ANGPT4: variants seen among roughly 807,000 people sequenced by gnomAD.
ANGPT4 encodes the protein angiopoietin 4.
In ANGPT4, 50 loss-of-function variants were observed where a neutral mutation model predicts 53.0. The ratio of observed to expected loss-of-function variants is 0.94; its 90% CI spans 0.75 to 1.20. The LOEUF is 1.20. Ranked by LOEUF, ANGPT4 falls within the 50% of genes most tolerant of loss-of-function variation. The pLI is 0.00. For synonymous variants in ANGPT4, 251 were observed against 259.7 expected (o/e 0.97, Z 0.32); for missense variants, 648 against 637.1 (o/e 1.02, Z -0.18).
intron 1 of ANGPT4, among the ~76,000 whole-genome samples, chr20:906,264 G>A (rs1982476246): frequency 6.6e-6 from 1 of 152,162 alleles, no homozygotes; most frequent in African/African-American, 2.4e-5. Context: ...GCCCTTGGGA[G>A]GAAGCCATCT....
At chr20:892,868 G>A (rs1230504224) in intron 1 of ANGPT4, among the ~76,000 whole-genome samples, 1 of 152,150 alleles carries the variant, frequency 6.6e-6, no homozygotes, top group Non-Finnish European at 1.5e-5. Flanking sequence ...GTCATAGATA[G>A]CCCTCCTTGA....
rs543768285 is a variant in ANGPT4, at chr20:884,448, G to A, written c.835+630C>T. ...GGGCCTGCCACACAGTAAGTGCTTA[G>A]TAAATGTTTGTTGACTGAGTGATTG... On this transcript the variant is annotated intron_variant, in intron 4 of 8. Transcript: ENST00000381922. 5.3e-5 allele frequency among the ~76,000 whole-genome samples: 8 copies of A among 152,352 alleles called. No individual in the cohort carries two copies. In the East Asian group the frequency reaches 1.5e-3, roughly 29 times the overall value.
rs908177302 is a variant in ANGPT4 at position 885,333 on chromosome 20, G to A, written c.588-8C>T. 6 of 1,573,382 alleles carry A rather than the reference G, an allele frequency of 3.8e-6. No homozygotes were observed. Among genetic ancestry groups the A allele is most frequent in the South Asian group, 1.1e-5 (1 of 87,086 alleles). On this transcript the variant is annotated splice_region_variant and splice_polypyrimidine_tract_variant and intron_variant, in intron 3 of 8. Coordinates refer to ENST00000381922, the MANE Select transcript of ANGPT4 (RefSeq NM_015985.4). ...AACCGCTTCTCGAGCGCGCTGCGGG[G>A]TAGGGGGCGCACAGAGGTGAGCCTG...
At chr20:895,631 C>T (rs1982017980) in intron 1 of ANGPT4, among the ~76,000 whole-genome samples, 1 of 152,168 alleles carries the variant, frequency 6.6e-6, no homozygotes, top group Non-Finnish European at 1.5e-5. Context: ...CCGAGGAGAT[C>T]TGCTCAAGCC....
intron 1 of ANGPT4, among the ~76,000 whole-genome samples, chr20:910,974 G>A: frequency 6.6e-6 from 1 of 152,114 alleles, no homozygotes; most frequent in Middle Eastern, 3.2e-3. Flanking sequence ...AAACTGCTTA[G>A]AAAGGAGCCA....
chr20:881,100 C>T, intron 5 of ANGPT4, 71 bp downstream of exon 5: 16 of 1,231,578 alleles, frequency 1.3e-5, no homozygotes, highest in East Asian at 5.2e-5. Context: ...CGATGGGGTG[C>T]GGGGTGTCTG....
At chr20:885,711 A>G (rs1359087870) in intron 3 of ANGPT4, among the ~76,000 whole-genome samples, 1 of 152,130 alleles carries the variant, frequency 6.6e-6, no homozygotes, top group Non-Finnish European at 1.5e-5. Context: ...CAAAAAAGAT[A>G]TAGCCTAGAT....
intron 7 of ANGPT4, among the ~76,000 whole-genome samples, chr20:875,748 T>C (rs1226406035): frequency 6.6e-6 from 1 of 152,104 alleles, no homozygotes; most frequent in Non-Finnish European, 1.5e-5. Context: ...TGGGCCTGGT[T>C]GGAGAGAATG....
intron 1 of ANGPT4, among the ~76,000 whole-genome samples, chr20:891,688 A>T (rs1981853452): frequency 6.6e-6 from 1 of 152,212 alleles, no homozygotes; most frequent in African/African-American, 2.4e-5. Flanking sequence ...GGCTCGGGCC[A>T]GGCTCCAGCC....
At chr20:893,822 C>T (rs2122819046) in intron 1 of ANGPT4, among the ~76,000 whole-genome samples, 1 of 152,258 alleles carries the variant, frequency 6.6e-6, no homozygotes, top group Admixed American at 6.5e-5. Flanking sequence ...TTCTTAGCGG[C>T]CACACTCAAC....
rs569213483 is a variant in ANGPT4, at chr20:908,418, G to T, written c.309+7488C>A. Among the ~76,000 whole-genome samples, 7 of 152,062 alleles carry T rather than the reference G, an allele frequency of 4.6e-5. No individual in the cohort carries two copies. Among genetic ancestry groups the T allele is most frequent in the Non-Finnish European group, 2.9e-5 (2 of 68,004 alleles). On this transcript the variant is annotated intron_variant, in intron 1 of 8. Transcript: ENST00000381922. This position sits in a 1 kb window ranked among gnomAD's most constrained non-coding sequence, Gnocchi z 4.9. ...TGCTTTTGCTTCCTTTCCCTGTCTC[G>T]CCACTGCCAACCCAGCCTTTAGATC...
intron 1 of ANGPT4, among the ~76,000 whole-genome samples, chr20:902,367 C>T (rs1184900415): frequency 6.6e-6 from 1 of 152,138 alleles, no homozygotes; most frequent in Non-Finnish European, 1.5e-5. Flanking sequence ...GCTTTTCCCA[C>T]TAGTCTCTAA....
Position 872,817 on chromosome 20 carries a change from T to G in ANGPT4, c.*143A>C, listed in dbSNP as rs1254687957. 14 of 1,060,566 alleles carry G rather than the reference T, an allele frequency of 1.3e-5. No individual in the cohort carries two copies. Among genetic ancestry groups the G allele is most frequent in the Non-Finnish European group, 1.8e-5 (13 of 727,430 alleles). 65.7% of individuals were successfully genotyped at this position (1,060,566 alleles called of 1,614,324 possible). On this transcript the variant is annotated 3_prime_UTR_variant, in exon 9 of 9. Transcript: ENST00000381922. ...TGGGGGGCAGATGACCCTTCTGGAC[T>G]TCTGGGTCAAGGAGGGCTGGCTCAG...
chr20:894,701 T>C (rs576440163), intron 1 of ANGPT4, among the ~76,000 whole-genome samples: 56 of 152,296 alleles, frequency 3.7e-4, no homozygotes, highest in African/African-American at 1.3e-3. Flanking sequence ...AAACAGCATA[T>C]TCATGCCTGA....
intron 8 of ANGPT4, among the ~76,000 whole-genome samples, chr20:873,697 C>G (rs76876028): frequency 6.6e-6 from 1 of 152,098 alleles, no homozygotes; most frequent in Non-Finnish European, 1.5e-5. Flanking sequence ...CTTTCTCCCC[C>G]ATCTCCCTCT....
In ANGPT4 at chr20:911,092, G is replaced by A. The variant is rs1982676457; in HGVS notation, c.309+4814C>T. ...AATGCCAAGAATTTGTGGGCAGCCT[G>A]GGAAGGCTGGGGCAACTGGAACCCT... On this transcript the variant is annotated intron_variant, in intron 1 of 8. Coordinates refer to ENST00000381922, the MANE Select transcript of ANGPT4 (RefSeq NM_015985.4). The surrounding 1 kb of genome is among the most constrained non-coding windows in gnomAD (Gnocchi z 4.9). Among the ~76,000 whole-genome samples, 1 of 152,158 alleles carries A rather than the reference G, an allele frequency of 6.6e-6. No homozygotes were observed. Among genetic ancestry groups the A allele is most frequent in the African/African-American group, 2.4e-5 (1 of 41,450 alleles).
At chr20:913,936 G>A (rs756405397) in intron 1 of ANGPT4, among the ~76,000 whole-genome samples, 1 of 152,202 alleles carries the variant, frequency 6.6e-6, no homozygotes, top group Non-Finnish European at 1.5e-5. Flanking sequence ...GTCTCAGGCA[G>A]CTTTGGAGTT....
At chr20:879,444 G>T (rs1010700074) in intron 6 of ANGPT4, among the ~76,000 whole-genome samples, 2 of 151,824 alleles carry the variant, frequency 1.3e-5, no homozygotes, top group Non-Finnish European at 2.9e-5. Flanking sequence ...TTGACTGGGG[G>T]GATTTTTATT....
chr20:889,347 C>G (rs1981747542), intron 2 of ANGPT4, among the ~76,000 whole-genome samples: 1 of 152,186 alleles, frequency 6.6e-6, no homozygotes, highest in South Asian at 2.1e-4. Flanking sequence ...ATAGTGTGTA[C>G]TTACACAAAT....
Sources: allele counts gnomAD v4.1 joint callset (sites outside exome capture counted in the v4.1 genomes callset), GRCh38; gene constraint gnomAD v4.1.1; non-coding constraint Gnocchi (gnomAD v3.1); transcripts MANE v1.5; gene names NCBI Gene and HGNC (gene_info 2026-07-23, HGNC 2026-07-21).